The following EPHA5 variants were observed in gnomAD, a reference collection of about 807,000 sequenced individuals.
EPHA5 encodes the protein EPH receptor A5.
Under a neutral mutation model 105.0 loss-of-function variants are expected in EPHA5, and 60 were observed. The observed-to-expected ratio is 0.57, with a 90% CI of 0.46 to 0.71. The LOEUF is 0.71. EPHA5 is among the 30% of genes least tolerant of loss of function. EPHA5 has a pLI of 0.00. For missense variants in EPHA5, 1,218 were observed against 1,274.7 expected (o/e 0.96, Z 0.68); for synonymous variants, 513 against 449.1 (o/e 1.14, Z -1.80).
intron 8 of EPHA5, 69 bp downstream of exon 8, chr4:65,404,305 C>A (rs971681930): frequency 7.5e-7 from 1 of 1,341,940 alleles, no homozygotes; most frequent in Non-Finnish European, 1.1e-6. Flanking sequence ...TGCTCAACAG[C>A]CAAATGGTCA....
At chr4:65,464,250 A>C (rs1229690289) in intron 5 of EPHA5, among the ~76,000 whole-genome samples, 1 of 152,062 alleles carries the variant, frequency 6.6e-6, no homozygotes, top group African/African-American at 2.4e-5. Flanking sequence ...TTCAAAACCC[A>C]TCAAAGTTCC....
intron 2 of EPHA5, among the ~76,000 whole-genome samples, chr4:65,620,627 T>A (rs990126352): frequency 1.3e-5 from 2 of 152,172 alleles, no homozygotes; most frequent in Non-Finnish European, 2.9e-5. Context: ...CTATCTGCAC[T>A]AAGAAAACAT....
chr4:65,489,195 C>G (rs1731176148), intron 5 of EPHA5, among the ~76,000 whole-genome samples: 1 of 152,078 alleles, frequency 6.6e-6, no homozygotes, highest in African/African-American at 2.4e-5. Context: ...CCGCGCCCAG[C>G]CAGCTGCATG....
chr4:65,479,113 AAG>A (rs1287530921), intron 5 of EPHA5, among the ~76,000 whole-genome samples: 4 of 152,292 alleles, frequency 2.6e-5, no homozygotes, highest in Admixed American at 1.3e-4. Context: ...TAGATTATTG[AAG>A]AGTTTCTTAA....
intron 11 of EPHA5, among the ~76,000 whole-genome samples, chr4:65,359,439 C>A (rs2148875123): frequency 6.6e-6 from 1 of 151,732 alleles, no homozygotes; most frequent in African/African-American, 2.4e-5. Flanking sequence ...ACTTTATGCA[C>A]AACATCTGTA....
chr4:65,440,249 A>G (rs1217385893), intron 5 of EPHA5, among the ~76,000 whole-genome samples: 1 of 152,060 alleles, frequency 6.6e-6, no homozygotes, highest in Non-Finnish European at 1.5e-5. Context: ...GTTATTAAAG[A>G]AAATAAACAA....
intron 9 of EPHA5, 129 bp downstream of exon 9, chr4:65,367,228 A>G (rs1196130475): frequency 1.3e-6 from 1 of 761,262 alleles, no homozygotes; most frequent in African/African-American, 1.9e-5. Flanking sequence ...TAACAAATAG[A>G]ACACTTTTAA....
intron 3 of EPHA5, among the ~76,000 whole-genome samples, chr4:65,547,298 G>GAAAAA (rs71657184): frequency 7.2e-6 from 1 of 139,452 alleles, no homozygotes; most frequent in Non-Finnish European, 1.5e-5. Context: ...AAGCCAAGTG[G>GAAAAA]AAAAAAAAAA....
intron 8 of EPHA5, among the ~76,000 whole-genome samples, chr4:65,368,311 C>T (rs559118533): frequency 2.0e-5 from 3 of 152,120 alleles, no homozygotes; most frequent in South Asian, 4.1e-4. Flanking sequence ...GTTCTTATTC[C>T]TGGTAGATTT....
intron 3 of EPHA5, among the ~76,000 whole-genome samples, chr4:65,538,641 T>C (rs1167372760): frequency 6.6e-6 from 1 of 151,664 alleles, no homozygotes; most frequent in Non-Finnish European, 1.5e-5. Flanking sequence ...AAGTGACTCC[T>C]AGATGTAGTC....
chr4:65,351,740 T>C lies in EPHA5; in HGVS notation c.2236-142A>G, dbSNP rs894189671. 8 of 708,882 alleles carry C rather than the reference T, an allele frequency of 1.1e-5. No homozygotes were observed. The African/African-American group carries it at 1.3e-4, about 11-fold the overall frequency. 43.9% of individuals were successfully genotyped at this position (708,882 alleles called of 1,614,324 possible). On this transcript the variant is annotated intron_variant, in intron 12 of 16. Coordinates refer to ENST00000613740, the MANE Select transcript of EPHA5 (RefSeq NM_001281766.3). Reference sequence around the variant, plus strand: ...TTTCTATCTGAAGGAGATTGGAAAATGGTAGGAAGTATATGGCTAACTTGG... The same window carrying C: ...TTTCTATCTGAAGGAGATTGGAAAACGGTAGGAAGTATATGGCTAACTTGG...
intron 3 of EPHA5, among the ~76,000 whole-genome samples, chr4:65,596,277 G>A (rs985007581): frequency 2.0e-5 from 3 of 152,034 alleles, no homozygotes; most frequent in Non-Finnish European, 4.4e-5. Flanking sequence ...GTGAATATTA[G>A]GCAATATCTA....
At chr4:65,480,100 T>C (rs1305495312) in intron 5 of EPHA5, among the ~76,000 whole-genome samples, 1 of 149,262 alleles carries the variant, frequency 6.7e-6, no homozygotes, top group Admixed American at 6.7e-5. Context: ...ACAGGAAAAA[T>C]AACAATAAAG....
intron 3 of EPHA5, among the ~76,000 whole-genome samples, chr4:65,573,137 C>T (rs1209683951): frequency 6.6e-6 from 1 of 151,822 alleles, no homozygotes; most frequent in Non-Finnish European, 1.5e-5. Flanking sequence ...CAGGGCCGGG[C>T]GCGGTGGCTC....
intron 8 of EPHA5, among the ~76,000 whole-genome samples, chr4:65,389,680 G>A (rs556057443): frequency 6.6e-6 from 1 of 151,958 alleles, no homozygotes; most frequent in East Asian, 1.9e-4. Flanking sequence ...AAAAATCAAG[G>A]GGAATAGGCA....
chr4:65,438,558 A>G (rs535430531), intron 5 of EPHA5, among the ~76,000 whole-genome samples: 1 of 152,134 alleles, frequency 6.6e-6, no homozygotes, highest in East Asian at 1.9e-4. Context: ...ACAGTGAAGA[A>G]CCAAATGGAG....
chr4:65,651,605 G>A (rs55724278), intron 1 of EPHA5, among the ~76,000 whole-genome samples: 31,106 of 151,938 alleles, frequency 0.2, 3,601 homozygotes, highest in Non-Finnish European at 0.25. Flanking sequence ...ATGCTTAATT[G>A]TTTACTGCAA....
chr4:65,559,474 A>G (rs1358814386), intron 3 of EPHA5, among the ~76,000 whole-genome samples: 1 of 152,170 alleles, frequency 6.6e-6, no homozygotes, highest in Admixed American at 6.6e-5. Flanking sequence ...TTGGGCAGGA[A>G]ATCATTTGTT....
chr4:65,419,628 C>G (rs1301628258), intron 6 of EPHA5, among the ~76,000 whole-genome samples: 1 of 152,112 alleles, frequency 6.6e-6, no homozygotes, highest in Non-Finnish European at 1.5e-5. Flanking sequence ...TCCTAAGGTG[C>G]GTATGCCATT....
Sources: gnomAD v4.1 joint callset for allele counts (sites outside exome capture counted in the v4.1 genomes callset) on GRCh38, gnomAD v4.1.1 for gene constraint, MANE v1.5 for transcripts, NCBI Gene and HGNC (gene_info 2026-07-23, HGNC 2026-07-21) for gene names.